ABCA12: variants seen among roughly 807,000 people sequenced by gnomAD.
The protein encoded by ABCA12 is ATP binding cassette subfamily A member 12.
In ABCA12, 156 loss-of-function variants were observed where a neutral mutation model predicts 293.5. The observed-to-expected ratio is 0.53, with a 90% CI of 0.47 to 0.61. The LOEUF is 0.61. Ranked by LOEUF, ABCA12 falls within the 20% of genes least tolerant of loss-of-function variation. The pLI is 0.00. For synonymous variants in ABCA12, 1,063 were observed against 1,108.0 expected (o/e 0.96, Z 0.81); for missense variants, 2,797 against 3,090.2 (o/e 0.91, Z 2.25).
At chr2:215,057,944 T>C (rs1022924066) in intron 3 of ABCA12, among the ~76,000 whole-genome samples, 2 of 152,054 alleles carry the variant, frequency 1.3e-5, no homozygotes, top group Non-Finnish European at 2.9e-5. Flanking sequence ...ATTCTTATTA[T>C]ATGTAAAATA....
Position 214,955,300 on chromosome 2 carries a change from A to C in ABCA12, c.6295T>G (p.Phe2099Val). Residue 2099 changes from phenylalanine to valine, a missense_variant, in exon 43 of 53, where the codon TTC (phenylalanine) becomes GTC (valine). Physicochemically the swap from Phe to Val is conservative, Grantham distance 50. Coordinates refer to ENST00000272895, the MANE Select transcript of ABCA12 (RefSeq NM_173076.3). ...AGLFHETGMA[F>V]ITYVCVNLFF... is the part of the protein sequence containing the mutation. ...AAGTTGACACAGACGTAAGTGATGA[A>C]GGCCATTCCTGTTTCATGGAAGAGC... 1 of 1,614,188 alleles carries C rather than the reference A, an allele frequency of 6.2e-7. No homozygotes were observed. Among genetic ancestry groups the C allele is most frequent in the East Asian group, 2.2e-5 (1 of 44,876 alleles).
chr2:215,072,703 T>C (rs1701760695), intron 2 of ABCA12, among the ~76,000 whole-genome samples: 1 of 152,202 alleles, frequency 6.6e-6, no homozygotes, highest in African/African-American at 2.4e-5. Context: ...CAGTAACAAA[T>C]ACATGGCAGA....
Position 215,011,616 on chromosome 2 carries a change from G to C in ABCA12, c.2155C>G (p.Gln719Glu), listed in dbSNP as rs1174122105. ...MYRSNRMNTP[Q>E]GSFSTISQAL... Reference sequence around the variant, plus strand: ...TGGGAGATGGTGCTAAATGATCCTTGTGGTGTGTTCATTCGGTTGCTTCTG... The same window carrying C: ...TGGGAGATGGTGCTAAATGATCCTTCTGGTGTGTTCATTCGGTTGCTTCTG... Residue 719 changes from glutamine (Q) to glutamate (E), a missense_variant, in exon 17 of 53, where the codon CAA becomes GAA. Gln to Glu is a conservative substitution (Grantham distance 29, BLOSUM62 2). Transcript: ENST00000272895. 2.5e-6 allele frequency: 4 copies of C among 1,613,916 alleles called. No individual in the cohort carries two copies. The highest frequency in any genetic ancestry group is 2.5e-6 in the Non-Finnish European group (3 of 1,179,928).
intron 4 of ABCA12, 100 bp from the exon 5 acceptor site, chr2:215,052,684 C>T (rs1701344418): frequency 2.0e-6 from 2 of 1,007,458 alleles, no homozygotes; most frequent in African/African-American, 1.6e-5. Flanking sequence ...CCTCATATAC[C>T]CTACAGCAAG....
At chr2:215,007,062 A>T (rs1700270656) in intron 19 of ABCA12, among the ~76,000 whole-genome samples, 1 of 151,858 alleles carries the variant, frequency 6.6e-6, no homozygotes, top group African/African-American at 2.4e-5. Context: ...TTTAGTAGAG[A>T]TGGGGTTTCT....
chr2:214,942,809 T>C, intron 50 of ABCA12, 116 bp downstream of exon 50: 1 of 826,656 alleles, frequency 1.2e-6, no homozygotes, highest in Non-Finnish European at 2.0e-6. Flanking sequence ...TTCCAAAGAT[T>C]AGCTTGTCCA....
chr2:215,015,071 T>A (rs1700461147), intron 15 of ABCA12, among the ~76,000 whole-genome samples: 1 of 152,236 alleles, frequency 6.6e-6, no homozygotes, highest in African/African-American at 2.4e-5. Context: ...AATTTTTTTT[T>A]AAAGAACGCC....
rs1167910459 is a variant in ABCA12, at chr2:214,980,659, A to G, written c.4580-16T>C. On this transcript the variant is annotated splice_polypyrimidine_tract_variant and intron_variant, in intron 30 of 52. Transcript: ENST00000272895. The stretch of plus-strand genomic sequence containing the variant: ...ATTGTTCTGGCTTGAAAATACAGAC[A>G]AGAACAACAGGGAATGAAACGTGAA... The G allele has an allele frequency of 6.2e-7, 1 of 1,613,986 alleles. No homozygotes were observed. Among genetic ancestry groups the G allele is most frequent in the Non-Finnish European group, 8.5e-7 (1 of 1,179,886 alleles).
At chr2:215,021,201 C>T (rs1700624688) in intron 11 of ABCA12, among the ~76,000 whole-genome samples, 2 of 152,136 alleles carry the variant, frequency 1.3e-5, no homozygotes, top group African/African-American at 4.8e-5. Flanking sequence ...TGAACTGCAG[C>T]ATGAAGATCA....
chr2:215,113,542 C>T (rs927480103), intron 1 of ABCA12, among the ~76,000 whole-genome samples: 11 of 152,162 alleles, frequency 7.2e-5, no homozygotes, highest in Admixed American at 6.5e-4. Flanking sequence ...GCTGATGCAG[C>T]TGGTCCATGG....
intron 11 of ABCA12, chr2:215,022,429 T>G (rs1417947518): frequency 6.6e-6 from 1 of 152,186 alleles, no homozygotes; most frequent in Non-Finnish European, 1.5e-5. Flanking sequence ...TTATGGTCAT[T>G]TTGTCTTTGT....
chr2:215,053,039 G>T (rs1317761642), intron 4 of ABCA12, among the ~76,000 whole-genome samples: 1 of 152,030 alleles, frequency 6.6e-6, no homozygotes, highest in Non-Finnish European at 1.5e-5. Context: ...ACCGAAATCT[G>T]CTTAGAATCA....
intron 1 of ABCA12, among the ~76,000 whole-genome samples, chr2:215,124,753 T>C (rs185156662): frequency 1.8e-4 from 27 of 152,350 alleles, no homozygotes; most frequent in Non-Finnish European, 3.4e-4. Context: ...ACTCTGTGGG[T>C]TGTCTGTTTA....
intron 9 of ABCA12, among the ~76,000 whole-genome samples, chr2:215,027,275 G>A (rs534594407): frequency 1.3e-5 from 2 of 152,210 alleles, no homozygotes; most frequent in Admixed American, 6.5e-5. Context: ...GAACCCGGGA[G>A]GCGGAGCTTG....
Position 214,989,572 on chromosome 2 carries a change from C to T in ABCA12, c.3674G>A (p.Arg1225Gln), listed in dbSNP as rs761166029. 8.7e-6 allele frequency: 14 copies of T among 1,613,990 alleles called. No homozygotes were observed. In the East Asian group the frequency reaches 8.9e-5, roughly 10 times the overall value. Residue 1225 changes from arginine to glutamine, a missense_variant, in exon 25 of 53, where the codon CGA becomes CAA. By Grantham distance (43) the Arg-to-Gln change is conservative (BLOSUM62 1). This residue lies in a region of ABCA12 where 2,130 missense variants were observed against 2,427.0 expected (regional missense o/e 0.88). Transcript: ENST00000272895. ...CCTACCAATGCCCTGTTCTTCGTAT[C>T]GTGCAATGTATTGGCTTGCATAGCT... is the stretch of plus-strand genomic sequence containing the variant. ...AFSYASQYIARYEEQGIGLQW... is the reference protein window; with the variant it reads ...AFSYASQYIAQYEEQGIGLQW...
chr2:215,061,489 G>T (rs1332972468), intron 3 of ABCA12, among the ~76,000 whole-genome samples: 1 of 151,982 alleles, frequency 6.6e-6, no homozygotes, highest in African/African-American at 2.4e-5. Flanking sequence ...TCCTAATGAG[G>T]CTATGCTGGT....
intron 27 of ABCA12, 60 bp downstream of exon 27, chr2:214,987,587 T>C: frequency 6.4e-7 from 1 of 1,566,532 alleles, no homozygotes; most frequent in Non-Finnish European, 8.7e-7. Context: ...AAACTACTAG[T>C]CATGTAATTT....
rs763069319 is a variant in ABCA12 at position 214,987,786 on chromosome 2, G to A, written c.3837C>T (p.Tyr1279=). The stretch of plus-strand genomic sequence containing the variant: ...GAAAATACCAGGGAGCTGCCATACC[G>A]TATGTCCCTGGAATAAAAATATATC... The part of the protein sequence containing the change: ...WYVRNVFPGT[Y]GMAAPWYFPI... Residue 1279 remains tyrosine, a synonymous_variant, in exon 27 of 53, where the codon TAC becomes TAT. Coordinates refer to ENST00000272895, the MANE Select transcript of ABCA12 (RefSeq NM_173076.3). The A allele has an allele frequency of 9.3e-6, 15 of 1,613,260 alleles. No homozygotes were observed. Among genetic ancestry groups the A allele is most frequent in the Middle Eastern group, 1.7e-4 (1 of 6,038 alleles).
intron 11 of ABCA12, chr2:215,022,809 A>AG (rs1318163203): frequency 6.6e-6 from 1 of 152,168 alleles, no homozygotes; most frequent in African/African-American, 2.4e-5. Flanking sequence ...TGGTGGGTAA[A>AG]TAGAGGGAAA....
Sources: gnomAD v4.1 joint callset for allele counts (sites outside exome capture counted in the v4.1 genomes callset) on GRCh38, gnomAD v4.1.1 for gene constraint, gnomAD v4.1.1 regional missense constraint, MANE v1.5 for transcripts, NCBI Gene and HGNC (gene_info 2026-07-23, HGNC 2026-07-21) for gene names.